Variants in SPATA13 observed in about 807,000 individuals in gnomAD.
SPATA13 encodes the protein spermatogenesis associated 13, also known as spermatogenesis-associated protein 13.
A neutral mutation model predicts 104.0 loss-of-function variants in SPATA13; 50 were observed. That is an observed-to-expected ratio of 0.48 (90% CI 0.38 to 0.61). The LOEUF (loss-of-function observed/expected upper bound fraction) is 0.61, where lower values mean the gene tolerates loss of function less well. Among genes scored for constraint, SPATA13 ranks in the 20% least tolerant of loss-of-function variants. SPATA13 has a pLI of 0.00. For synonymous variants in SPATA13, 606 were observed against 667.5 expected (o/e 0.91, Z 1.42); for missense variants, 1,524 against 1,690.6 (o/e 0.90, Z 1.73).
chr13:24,128,722 G>A (rs1881299264), intron 3 of SPATA13, among the ~76,000 whole-genome samples: 1 of 90,692 alleles, frequency 1.1e-5, no homozygotes, highest in Non-Finnish European at 2.1e-5. Flanking sequence ...CATAAAAAAA[G>A]TCCTACCTTA....
intron 1 of SPATA13, among the ~76,000 whole-genome samples, chr13:24,181,676 G>A (rs575115942): frequency 6.6e-6 from 1 of 151,680 alleles, no homozygotes; most frequent in East Asian, 1.9e-4. Flanking sequence ...GAAGTAACAC[G>A]CATAGAGCTG....
chr13:24,039,307 T>TAGAG lies in SPATA13; in HGVS notation c.-112+21606_-112+21607insAGAG, dbSNP rs1408020466. On this transcript the variant is annotated intron_variant, in intron 3 of 14. Transcript: ENST00000424834. ...GCTACTACTCAATTTACCAACCTGG[T>TAGAG]GTTGACAGCTCTACCTTGCAGACTT... Among the ~76,000 whole-genome samples the TAGAG allele has an allele frequency of 6.6e-5, 10 of 152,340 alleles. No homozygotes were observed. In the East Asian group the frequency reaches 1.7e-3, roughly 26 times the overall value.
At chr13:24,019,959 C>T (rs1876902983) in intron 3 of SPATA13, among the ~76,000 whole-genome samples, 1 of 152,172 alleles carries the variant, frequency 6.6e-6, no homozygotes, top group Non-Finnish European at 1.5e-5. Flanking sequence ...CCTCTTTGCC[C>T]CCATGTCAGA....
At chr13:24,090,236 C>T (rs1593322957) in intron 3 of SPATA13, among the ~76,000 whole-genome samples, 1 of 151,022 alleles carries the variant, frequency 6.6e-6, no homozygotes, top group African/African-American at 2.5e-5. Flanking sequence ...ATGATAAACT[C>T]ACATGTGTTG....
intron 3 of SPATA13, among the ~76,000 whole-genome samples, chr13:24,089,310 C>T (rs1879839925): frequency 6.6e-6 from 1 of 152,120 alleles, no homozygotes. Flanking sequence ...GCATGGGACC[C>T]CCCCACACAC....
rs555626758 is a variant in SPATA13, at chr13:24,120,335, C to T, written c.-111-102484C>T. Reference sequence around the variant, plus strand: ...TGCCAAGCAGACGCTCTGGGCAAGTCGCCTGGGTCACTAACTTTGACACTT... The same window carrying T: ...TGCCAAGCAGACGCTCTGGGCAAGTTGCCTGGGTCACTAACTTTGACACTT... On this transcript the variant is annotated intron_variant, in intron 3 of 14. Coordinates refer to the SPATA13 transcript ENST00000424834. Among the ~76,000 whole-genome samples, 234 of 152,356 alleles carry T rather than the reference C, an allele frequency of 1.5e-3. 1 individual carries two copies. Among genetic ancestry groups the T allele is most frequent in the Non-Finnish European group, 2.9e-3 (199 of 68,034 alleles).
Position 24,293,022 on chromosome 13 carries a change from A to AT in SPATA13, c.3081-1717_3081-1716insT, listed in dbSNP as rs35053977. On this transcript the variant is annotated intron_variant, in intron 9 of 12. Transcript: ENST00000382108. ...AAAAAAAAAAAAAAAAAAAAAAAAA[A>AT]GGCGAGGGTGTGGGGAGAGCCTTCT... 4.2e-4 allele frequency among the ~76,000 whole-genome samples: 57 copies of AT among 134,918 alleles called. 2 individuals are homozygous for AT. The highest frequency in any genetic ancestry group is 1.5e-3 in the African/African-American group (57 of 37,208). The allele number at this position is 134,918 out of a possible 152,430, so 88.5% of individuals were successfully genotyped here.
intron 3 of SPATA13, among the ~76,000 whole-genome samples, chr13:24,026,229 A>C (rs1457664305): frequency 6.6e-6 from 1 of 152,136 alleles, no homozygotes; most frequent in Admixed American, 6.5e-5. Context: ...TCCTTTTATG[A>C]TTAATGCTTC....
chr13:23,981,109 A>G (rs2137646214), intron 1 of SPATA13, among the ~76,000 whole-genome samples: 1 of 152,350 alleles, frequency 6.6e-6, no homozygotes, highest in South Asian at 2.1e-4. Flanking sequence ...GCCCAGCACT[A>G]AAAATGCAGA....
At chr13:24,221,557 A>G (rs140940104) in intron 1 of SPATA13, among the ~76,000 whole-genome samples, 43 of 152,180 alleles carry the variant, frequency 2.8e-4, no homozygotes, top group Non-Finnish European at 3.7e-4. Flanking sequence ...ACAGATGTGC[A>G]TGATGGGGAA....
intron 1 of SPATA13, among the ~76,000 whole-genome samples, chr13:24,193,360 C>T (rs775635636): frequency 1.6e-4 from 25 of 152,154 alleles, no homozygotes; most frequent in Non-Finnish European, 3.2e-4. Context: ...ACTGGGAGAA[C>T]GGAGGCATTG....
At chr13:24,061,977 C>T (rs1214355080) in intron 3 of SPATA13, among the ~76,000 whole-genome samples, 2 of 152,102 alleles carry the variant, frequency 1.3e-5, no homozygotes, top group Admixed American at 6.5e-5. Flanking sequence ...TAGAACTAAG[C>T]TTTAACTTAA....
chr13:24,281,091 T>C (rs1875477086), intron 4 of SPATA13, among the ~76,000 whole-genome samples: 1 of 151,148 alleles, frequency 6.6e-6, no homozygotes, highest in African/African-American at 2.4e-5. Flanking sequence ...TCCCTTCTCC[T>C]GAGGCGCCAG....
At chr13:24,055,085 A>C (rs1244584014) in intron 3 of SPATA13, among the ~76,000 whole-genome samples, 1 of 152,240 alleles carries the variant, frequency 6.6e-6, no homozygotes, top group Non-Finnish European at 1.5e-5. Context: ...GAGCAAGCCT[A>C]CAGCCTCCAG....
In SPATA13 at chr13:24,031,648, G is replaced by A. The variant is rs74404773; in HGVS notation, c.-112+13947G>A. ...AACAATGAACATACATTGAGCTTAT[G>A]TCAGGCACTGTAGATGCAAAAATAG... On this transcript the variant is annotated intron_variant, in intron 3 of 14. Coordinates refer to the SPATA13 transcript ENST00000424834. Among the ~76,000 whole-genome samples the A allele has an allele frequency of 3.5e-3, 531 of 152,298 alleles. 2 individuals carry two copies. Among genetic ancestry groups the A allele is most frequent in the African/African-American group, 0.012 (494 of 41,568 alleles).
At chr13:24,253,380 C>T (rs1873610787) in intron 4 of SPATA13, among the ~76,000 whole-genome samples, 1 of 152,184 alleles carries the variant, frequency 6.6e-6, no homozygotes, top group Admixed American at 6.5e-5. Flanking sequence ...CCCAGATCCT[C>T]ATCAGTGGCA....
chr13:24,027,505 A>C (rs1593286111), intron 3 of SPATA13, among the ~76,000 whole-genome samples: 1 of 151,962 alleles, frequency 6.6e-6, no homozygotes, highest in African/African-American at 2.4e-5. Context: ...TAAACTTTTT[A>C]CTTCCTAATT....
chr13:24,084,130 C>T (rs537572506), intron 3 of SPATA13, among the ~76,000 whole-genome samples: 2 of 152,186 alleles, frequency 1.3e-5, no homozygotes, highest in African/African-American at 2.4e-5. Flanking sequence ...TTGTAATGAG[C>T]TCCCAAGCCT....
intron 1 of SPATA13, among the ~76,000 whole-genome samples, chr13:24,183,733 T>C (rs1214113368): frequency 6.6e-6 from 1 of 152,034 alleles, no homozygotes; most frequent in Non-Finnish European, 1.5e-5. Context: ...TGCTTTATAA[T>C]GTTCTCTATG....
Sources: gnomAD v4.1 joint callset for allele counts (sites outside exome capture counted in the v4.1 genomes callset) on GRCh38, gnomAD v4.1.1 for gene constraint, MANE v1.5 for transcripts, NCBI Gene and HGNC (gene_info 2026-07-23, HGNC 2026-07-21) for gene names.